RBM12B: variants seen among roughly 807,000 people sequenced by gnomAD.
The protein encoded by RBM12B is RNA binding motif protein 12B, also known as RNA-binding protein 12B.
In RBM12B, 10 loss-of-function variants were observed where a neutral mutation model predicts 34.3. That is an observed-to-expected ratio of 0.29 (90% CI 0.18 to 0.49). The LOEUF is 0.49. Among genes scored for constraint, RBM12B ranks in the 20% least tolerant of loss-of-function variants. The pLI, the probability that RBM12B is intolerant of heterozygous loss-of-function variation, is 0.99. For missense variants in RBM12B, 1,139 were observed against 1,262.7 expected (o/e 0.90, Z 1.48); for synonymous variants, 477 against 437.1 (o/e 1.09, Z -1.14).
At position 93,735,686 on chromosome 8, in the gene RBM12B, T is replaced by C. The variant is rs1228381230; in HGVS notation, c.725A>G (p.Lys242Arg). 6 of 1,614,160 alleles carry C rather than the reference T, an allele frequency of 3.7e-6. No individual in the cohort carries two copies. Among genetic ancestry groups the C allele is most frequent in the Non-Finnish European group, 5.1e-6 (6 of 1,180,022 alleles). Residue 242 changes from lysine (K) to arginine (R), a missense_variant, in exon 4 of 4, where the codon AAG becomes AGG. Physicochemically the swap from Lys to Arg is conservative, Grantham distance 26. Transcript: ENST00000520560. ...QWIEFGGNAV[K>R]EGDVLRRSEE... ...AGATCTCCTAAGAACGTCACCCTCC[T>C]TAACTGCATTACCACCAAACTCAAT...
Position 93,728,220 on chromosome 8 carries a change from CTAAG to C in RBM12B, c.*5181_*5184del, listed in dbSNP as rs1442441484. 6.3e-7 allele frequency: 1 copy of C among 1,587,786 alleles called. No individual in the cohort carries two copies. The highest frequency in any genetic ancestry group is 8.5e-7 in the Non-Finnish European group (1 of 1,171,398). On this transcript the variant is annotated 3_prime_UTR_variant, in exon 4 of 4. Transcript: ENST00000520560. ...CTTTTAACAGGTATCCACTTGTCGA[CTAAG>C]AAAGGATCAACAAGCAGAAGATGAT...
chr8:93,730,998 AAAT>A lies in RBM12B; in HGVS notation c.*2404_*2406del, dbSNP rs929175233. 1 of 152,176 alleles carries A rather than the reference AAAT, an allele frequency of 6.6e-6. No individual in the cohort carries two copies. Among genetic ancestry groups the A allele is most frequent in the Non-Finnish European group, 1.5e-5 (1 of 68,040 alleles). 9.4% of individuals were successfully genotyped at this position (152,176 alleles called of 1,614,324 possible). ...CAACACAGTGAGACTCTGTCTCTAC[AAAT>A]AATAAAAAATTTAGCCAGACAAGGT... is the stretch of plus-strand genomic sequence containing the variant. On this transcript the variant is annotated 3_prime_UTR_variant, in exon 4 of 4. Coordinates refer to ENST00000520560, the MANE Select transcript of RBM12B (RefSeq NM_001377960.1).
intron 2 of RBM12B, chr8:93,740,001 G>C (rs1812144708): frequency 3.3e-6 from 1 of 299,462 alleles, no homozygotes; most frequent in South Asian, 2.9e-5. Flanking sequence ...CGAAGAAAAA[G>C]TCATTTTCCA....
chr8:93,733,933 G>C lies in RBM12B; in HGVS notation c.2478C>G (p.Asp826Glu). The C allele has an allele frequency of 6.2e-7, 1 of 1,613,516 alleles. No individual in the cohort carries two copies. The highest frequency in any genetic ancestry group is 8.5e-7 in the Non-Finnish European group (1 of 1,179,824). ...DEDFRHPPDEDFRSPQEEDFR... is the reference protein window; with the variant it reads ...DEDFRHPPDEEFRSPQEEDFR... ...AATCTTCCTCCTGGGGGCTCCTGAA[G>C]TCCTCATCAGGAGGGTGCCTAAAGT... The change falls in exon 4 of 4, where the codon GAC (aspartate) becomes GAG (glutamate). Residue 826 changes from aspartate to glutamate, a missense_variant. This residue lies in a region of RBM12B where 863 missense variants were observed against 869.5 expected (regional missense o/e 0.99). Transcript: ENST00000520560.
rs781046465 is a variant in RBM12B, at chr8:93,736,098, T to C, written c.313A>G (p.Ser105Gly). 1.2e-6 allele frequency: 2 copies of C among 1,614,176 alleles called. No individual in the cohort carries two copies. The highest frequency in any genetic ancestry group is 1.3e-5 in the African/African-American group (1 of 75,038). The stretch of plus-strand genomic sequence containing the variant: ...ACAGACTCAATAAAATTAGACAGGC[T>C]GTCAACCCCTGATGTCCCAGATCCT... ...RPGSGTSGVD[S>G]LSNFIESVKE... Residue 105 changes from serine (S) to glycine (G), a missense_variant, in exon 4 of 4, where the codon AGC (serine) becomes GGC (glycine). Ser to Gly is a moderately conservative substitution (Grantham distance 56). Around this residue, in one of 3 missense-constraint regions of RBM12B, gnomAD observed 216 missense variants for 292.2 expected, o/e 0.74. Transcript: ENST00000520560.
Position 93,735,611 on chromosome 8 carries a change from C to A in RBM12B, c.800G>T (p.Arg267Leu), listed in dbSNP as rs777782711. ...TCTTCTGGGAGATTTTGAATGAGAC[C>A]GTTTTCGAAAATGTCTATCATTAAT... ...RGINDRHFRKRSHSKSPRRTR... is the reference protein window; with the variant it reads ...RGINDRHFRKLSHSKSPRRTR... The change falls in exon 4 of 4, where the codon CGG becomes CTG. Residue 267 changes from arginine (R) to leucine (L), a missense_variant. Arg to Leu is a moderately radical substitution (Grantham distance 102). Around this residue, in one of 3 missense-constraint regions of RBM12B, gnomAD observed 863 missense variants for 869.5 expected, o/e 0.99. Transcript: ENST00000520560. 3.1e-6 allele frequency: 5 copies of A among 1,613,902 alleles called. No homozygotes were observed. The highest frequency in any genetic ancestry group is 3.4e-6 in the Non-Finnish European group (4 of 1,179,954).
rs901418184 is a variant in RBM12B, at chr8:93,732,154, C to T, written c.*1251G>A. 9 of 152,180 alleles carry T rather than the reference C, an allele frequency of 5.9e-5. No homozygotes were observed. The highest frequency in any genetic ancestry group is 1.2e-4 in the African/African-American group (5 of 41,440). The allele number at this position is 152,180 out of a possible 1,614,324, so 9.4% of individuals were successfully genotyped here. ...TGACTTCAAGCAAGTTGCTTAACCT[C>T]GCACTTCATCCCACTTCATTATCTC... is the stretch of plus-strand genomic sequence containing the variant. On this transcript the variant is annotated 3_prime_UTR_variant, in exon 4 of 4. Transcript: ENST00000520560.
In RBM12B at chr8:93,734,059, C is replaced by T. The variant is rs751032423; in HGVS notation, c.2352G>A (p.Gln784=). The stretch of plus-strand genomic sequence containing the variant: ...CCTGAGGCGGCCGCCTGAAATGCTC[C>T]TGGGGCGGTCTCCGGAAGTGCTCCG... ...PPPEHFRRPP[Q]EHFRRPPQEH... The change falls in exon 4 of 4, where the codon CAG becomes CAA. Residue 784 remains glutamine (Q), a synonymous_variant. Coordinates refer to ENST00000520560, the MANE Select transcript of RBM12B (RefSeq NM_001377960.1). 14 of 1,584,070 alleles carry T rather than the reference C, an allele frequency of 8.8e-6. No individual in the cohort carries two copies. Among genetic ancestry groups the T allele is most frequent in the South Asian group, 6.8e-5 (6 of 88,100 alleles).
rs1356532447 is a variant in RBM12B, at chr8:93,734,325, C to G, written c.2086G>C (p.Glu696Gln). ...TCTGGGGGCCGCCTGAAGTCATCCT[C>G]GGGTGGTCGCCTCCATTCTCCCTGA... ...PLQGEWRRPP[E>Q]DDFRRPPEED... The change falls in exon 4 of 4, where the codon GAG becomes CAG. Residue 696 changes from glutamate to glutamine, a missense_variant. Glu to Gln is a conservative substitution (Grantham distance 29, BLOSUM62 2). Transcript: ENST00000520560. 1.2e-5 allele frequency: 20 copies of G among 1,612,724 alleles called. No individual in the cohort carries two copies. The highest frequency in any genetic ancestry group is 1.7e-5 in the Non-Finnish European group (20 of 1,179,598).
rs1811913043 is a variant in RBM12B at position 93,734,188 on chromosome 8, T to C, written c.2223A>G (p.Arg741=). 3 of 1,571,534 alleles carry C rather than the reference T, an allele frequency of 1.9e-6. No individual in the cohort carries two copies. The highest frequency in any genetic ancestry group is 1.7e-6 in the Non-Finnish European group (2 of 1,159,808). ...GCCGCCTAAAATGCTCTGGAGGTGG[T>C]CTCCGGAAATGCTCTGGGGGTGGCC... ...FRRPPPEHFR[R]PPPEHFRRPP... The change falls in exon 4 of 4, where the codon AGA becomes AGG. Residue 741 remains arginine, a synonymous_variant. Transcript: ENST00000520560.
Position 93,733,065 on chromosome 8 carries a change from A to C in RBM12B, c.*340T>G, listed in dbSNP as rs1366955816. ...GACTACAGAAAGAAAAAAAAAAGTG[A>C]ATATAAAATGTATCTTCCCCAAATA... is the stretch of plus-strand genomic sequence containing the variant. On this transcript the variant is annotated 3_prime_UTR_variant, in exon 4 of 4. Transcript: ENST00000520560. 6.1e-6 allele frequency: 1 copy of C among 162,996 alleles called. No homozygotes were observed. Among genetic ancestry groups the C allele is most frequent in the Non-Finnish European group, 1.3e-5 (1 of 75,656 alleles). The allele number at this position is 162,996 out of a possible 1,614,324, so 10.1% of individuals were successfully genotyped here.
Position 93,733,469 on chromosome 8 carries a change from G to C in RBM12B, c.2942C>G (p.Ala981Gly). ...CCTATCATTTAGATCTTTAATAGCA[G>C]CCATAGCTTCATTATAGTTTATCAT... ...VAMINYNEAM[A>G]AIKDLNDRPV... The change falls in exon 4 of 4, where the codon GCT (alanine) becomes GGT (glycine). Residue 981 changes from alanine to glycine, a missense_variant. Coordinates refer to ENST00000520560, the MANE Select transcript of RBM12B (RefSeq NM_001377960.1). 2 of 1,594,408 alleles carry C rather than the reference G, an allele frequency of 1.3e-6. No homozygotes were observed. The highest frequency in any genetic ancestry group is 1.1e-5 in the South Asian group (1 of 88,976).
intron 2 of RBM12B, among the ~76,000 whole-genome samples, chr8:93,738,085 C>T (rs1410395870): frequency 6.6e-6 from 1 of 152,148 alleles, no homozygotes; most frequent in Non-Finnish European, 1.5e-5. Context: ...CATCCAAGCA[C>T]AGAACCAAAT....
At chr8:93,736,529 C>T (rs1812028054) in intron 3 of RBM12B, 91 bp from the exon 4 acceptor site, 1 of 953,020 alleles carries the variant, frequency 1.0e-6, no homozygotes, top group Non-Finnish European at 1.5e-6. Context: ...TTCCTGCTTT[C>T]TTCAACATTT....
rs1007698843 is a variant in RBM12B, at chr8:93,730,318, T to C, written c.*3087A>G. On this transcript the variant is annotated 3_prime_UTR_variant, in exon 4 of 4. Transcript: ENST00000520560. ...GCTCTTAACAGTGATCTCAGTAAAT[T>C]AATAGAAATGCACTCCTAACATGAT... is the stretch of plus-strand genomic sequence containing the variant. 1 of 152,196 alleles carries C rather than the reference T, an allele frequency of 6.6e-6. No individual in the cohort carries two copies. Among genetic ancestry groups the C allele is most frequent in the Non-Finnish European group, 1.5e-5 (1 of 68,028 alleles). 9.4% of individuals were successfully genotyped at this position (152,196 alleles called of 1,614,324 possible).
chr8:93,736,551 CAA>C (rs892374758), intron 3 of RBM12B, 113 bp from the exon 4 acceptor site: 1 of 783,832 alleles, frequency 1.3e-6, no homozygotes, highest in Non-Finnish European at 1.9e-6. Flanking sequence ...TAAATGAAAA[CAA>C]GATACAAGTT....
In RBM12B at chr8:93,728,430, C is replaced by T. The variant is rs770527627; in HGVS notation, c.*4975G>A. On this transcript the variant is annotated 3_prime_UTR_variant, in exon 4 of 4. Coordinates refer to ENST00000520560, the MANE Select transcript of RBM12B (RefSeq NM_001377960.1). ...GAAACAGAAAAATAATTAAAGGAAA[C>T]TTATGCTGACCAAAAATGAAGGCTT... is the stretch of plus-strand genomic sequence containing the variant. 1.4e-5 allele frequency: 8 copies of T among 559,022 alleles called. No homozygotes were observed. Among genetic ancestry groups the T allele is most frequent in the Non-Finnish European group, 2.2e-5 (7 of 325,472 alleles). 34.6% of individuals were successfully genotyped at this position (559,022 alleles called of 1,614,324 possible).
At chr8:93,738,721 CCA>C (rs1364771813) in intron 2 of RBM12B, among the ~76,000 whole-genome samples, 4 of 152,174 alleles carry the variant, frequency 2.6e-5, no homozygotes, top group Non-Finnish European at 5.9e-5. Flanking sequence ...CCTCAGCCTC[CCA>C]CAGTGCTAGG....
In RBM12B at chr8:93,729,460, C is replaced by G. The variant is rs1811701422; in HGVS notation, c.*3945G>C. On this transcript the variant is annotated 3_prime_UTR_variant, in exon 4 of 4. Coordinates refer to ENST00000520560, the MANE Select transcript of RBM12B (RefSeq NM_001377960.1). ...TTGGTTGTACTTCGGGGGAAAACAACAGAGTTATTATTTTGCTGCTTACTA... is the reference window on the plus strand; with the variant it reads ...TTGGTTGTACTTCGGGGGAAAACAAGAGAGTTATTATTTTGCTGCTTACTA... The G allele has an allele frequency of 6.6e-6, 1 of 152,138 alleles. No homozygotes were observed. Among genetic ancestry groups the G allele is most frequent in the Non-Finnish European group, 1.5e-5 (1 of 68,000 alleles). 9.4% of individuals were successfully genotyped at this position (152,138 alleles called of 1,614,324 possible). A position where few individuals can be genotyped will look rare whatever the true frequency, so the allele number is the denominator to read the frequency against.
Sources: gnomAD v4.1 joint callset for allele counts (sites outside exome capture counted in the v4.1 genomes callset) on GRCh38, gnomAD v4.1.1 for gene constraint, gnomAD v4.1.1 regional missense constraint, MANE v1.5 for transcripts, NCBI Gene and HGNC (gene_info 2026-07-23, HGNC 2026-07-21) for gene names.